The following RAI1 variants were observed in gnomAD, a reference collection of about 807,000 sequenced individuals.
RAI1 encodes the protein retinoic acid-induced protein 1.
RAI1 carries 9 observed loss-of-function variants against 123.8 expected under a neutral mutation model. That is an observed-to-expected ratio of 0.07 (90% CI 0.04 to 0.13). The LOEUF (loss-of-function observed/expected upper bound fraction) is 0.13. Among genes scored for constraint, RAI1 ranks in the 10% least tolerant of loss-of-function variants. The probability of loss-of-function intolerance (pLI) is 1.00; values close to 1 mark genes in which losing one functional copy is unlikely to be tolerated. For missense variants in RAI1, 2,256 were observed against 2,545.8 expected, an observed-to-expected ratio of 0.89 and a Z score of 2.45; for synonymous variants, 1,231 against 1,127.3, an observed-to-expected ratio of 1.09 and a Z score of -1.84.
chr17:17,727,455 AC>A (rs1378070841), intron 2 of RAI1, among the ~76,000 whole-genome samples: 1 of 152,172 alleles, frequency 6.6e-6, no homozygotes, highest in Non-Finnish European at 1.5e-5. Flanking sequence ...CCCCAAGCTT[AC>A]CCCTGGTGCC....
chr17:17,728,294 G>A (rs1008587904), intron 2 of RAI1, among the ~76,000 whole-genome samples: 4 of 151,912 alleles, frequency 2.6e-5, no homozygotes, highest in African/African-American at 9.7e-5. Context: ...GAAGGCCTTC[G>A]ACAGGGAGGG....
chr17:17,703,545 CAG>C (rs1215161094), intron 1 of RAI1, among the ~76,000 whole-genome samples: 1 of 152,082 alleles, frequency 6.6e-6, no homozygotes, highest in Non-Finnish European at 1.5e-5. Context: ...CTCTGGGGCT[CAG>C]GGGGAGGGGG....
intron 1 of RAI1, among the ~76,000 whole-genome samples, chr17:17,689,936 GCCC>G (rs1328769341): frequency 6.6e-6 from 1 of 152,114 alleles, no homozygotes; most frequent in African/African-American, 2.4e-5. Flanking sequence ...GGGTGCCAAA[GCCC>G]CCCAACTCCT....
chr17:17,803,915 T>C (rs1284376014), intron 4 of RAI1, 66 bp downstream of exon 4: 2 of 1,465,786 alleles, frequency 1.4e-6, no homozygotes, highest in African/African-American at 2.8e-5. Context: ...GGACCCTCCC[T>C]GGGCACAGCT....
At chr17:17,788,069 A>G (rs1393327489) in intron 2 of RAI1, among the ~76,000 whole-genome samples, 1 of 152,122 alleles carries the variant, frequency 6.6e-6, no homozygotes, top group Non-Finnish European at 1.5e-5. Context: ...GCATCCTGAT[A>G]TTTGGGACCC....
chr17:17,784,142 GC>G (rs2031733129), intron 2 of RAI1, among the ~76,000 whole-genome samples: 1 of 152,140 alleles, frequency 6.6e-6, no homozygotes, highest in African/African-American at 2.4e-5. Context: ...GATTTGACAC[GC>G]CGTGGCGGCC....
At chr17:17,719,130 C>T (rs760524322) in intron 1 of RAI1, among the ~76,000 whole-genome samples, 5 of 152,194 alleles carry the variant, frequency 3.3e-5, no homozygotes, top group Non-Finnish European at 7.3e-5. Context: ...GGCTTCTGTG[C>T]TCCTGCCCTG....
At position 17,780,441 on chromosome 17, in the gene RAI1, C is replaced by T. The variant is rs150838688; in HGVS notation, c.-16-12492C>T. On this transcript the variant is annotated intron_variant, in intron 2 of 5. Transcript: ENST00000353383. ...GGAACCAGGACCTCCTCGCCCATGT[C>T]TTTCACCCCTGGGTGCCTGTATCCT... is the stretch of plus-strand genomic sequence containing the variant. 1.4e-3 allele frequency among the ~76,000 whole-genome samples: 214 copies of T among 152,260 alleles called. 1 individual carries two copies. The highest frequency in any genetic ancestry group is 5.0e-3 in the African/African-American group (206 of 41,548).
At position 17,681,647 on chromosome 17, in the gene RAI1, A is replaced by G; in HGVS notation, c.-295A>G. The G allele has an allele frequency of 4.7e-6, 1 of 212,446 alleles. No homozygotes were observed. The highest frequency in any genetic ancestry group is 9.1e-6 in the Non-Finnish European group (1 of 110,258). The allele number at this position is 212,446 out of a possible 1,614,324, so 13.2% of individuals were successfully genotyped here. ...TGCCCGCGGCCCTAGCGCCGGCGCG[A>G]GGAGGGGGCGCCGCGGCCCACCCTC... On this transcript the variant is annotated 5_prime_UTR_variant, in exon 1 of 6. Transcript: ENST00000353383.
chr17:17,783,250 G>A (rs1356874691), intron 2 of RAI1, among the ~76,000 whole-genome samples: 2 of 152,092 alleles, frequency 1.3e-5, no homozygotes, highest in African/African-American at 4.8e-5. Context: ...TGGGCGCGGG[G>A]ACGGGGGGGC....
intron 2 of RAI1, among the ~76,000 whole-genome samples, chr17:17,761,887 G>A (rs981219516): frequency 6.6e-6 from 1 of 152,148 alleles, no homozygotes; most frequent in African/African-American, 2.4e-5. Context: ...GCAGGTGGGG[G>A]GATGGAAAGG....
At chr17:17,729,955 A>G (rs1200684497) in intron 2 of RAI1, among the ~76,000 whole-genome samples, 5 of 152,170 alleles carry the variant, frequency 3.3e-5, no homozygotes, top group Admixed American at 1.3e-4. Context: ...AGATTTGCTG[A>G]ACCTGGTCCC....
Position 17,796,845 on chromosome 17 carries a change from T to C in RAI1, c.3897T>C (p.Asp1299=). Residue 1299 remains aspartate (D), a synonymous_variant, in exon 3 of 6, where the codon GAT becomes GAC. Transcript: ENST00000353383. The surrounding 1 kb of genome is among the most constrained non-coding windows in gnomAD (Gnocchi z 5.8). The part of the protein sequence containing the change: ...ATKLPPPETP[D]ACLKLASRAA... ...AGCTCCCACCCCCGGAGACCCCCGATGCCTGCCTCAAGCTCGCCTCTCGGG... is the reference window on the plus strand; with the variant it reads ...AGCTCCCACCCCCGGAGACCCCCGACGCCTGCCTCAAGCTCGCCTCTCGGG... The C allele has an allele frequency of 1.2e-6, 2 of 1,612,366 alleles. No individual in the cohort carries two copies. The highest frequency in any genetic ancestry group is 1.1e-5 in the South Asian group (1 of 91,052).
intron 1 of RAI1, among the ~76,000 whole-genome samples, chr17:17,709,744 C>G (rs1915508125): frequency 6.6e-6 from 1 of 152,212 alleles, no homozygotes; most frequent in Non-Finnish European, 1.5e-5. Flanking sequence ...GTGCCGGGGC[C>G]TGGAGCTTTC....
intron 1 of RAI1, among the ~76,000 whole-genome samples, chr17:17,711,685 A>C (rs538430739): frequency 6.6e-6 from 1 of 152,330 alleles, no homozygotes; most frequent in African/African-American, 2.4e-5. Context: ...GGGCTCCCAG[A>C]AAGTGTAGGG....
At chr17:17,745,803 G>T (rs2029891105) in intron 2 of RAI1, among the ~76,000 whole-genome samples, 1 of 152,174 alleles carries the variant, frequency 6.6e-6, no homozygotes, top group African/African-American at 2.4e-5. Context: ...TACCCGGGGG[G>T]CTTGTGTGGA....
chr17:17,791,897 G>A (rs2032024403), intron 2 of RAI1, among the ~76,000 whole-genome samples: 1 of 152,150 alleles, frequency 6.6e-6, no homozygotes, highest in Non-Finnish European at 1.5e-5. Context: ...TGCTCTGCAG[G>A]CAGGGGCAGG....
rs2029884787 is a variant in RAI1 at position 17,745,519 on chromosome 17, T to A, written c.-17+21360T>A. ...ATCTCGGCTCACCGCAACCTCAGCC[T>A]CCTGAGTAGCTGGGATTACAGGCAC... On this transcript the variant is annotated intron_variant, in intron 2 of 5. Coordinates refer to ENST00000353383, the MANE Select transcript of RAI1 (RefSeq NM_030665.4). Among the ~76,000 whole-genome samples, 4 of 152,052 alleles carry A rather than the reference T, an allele frequency of 2.6e-5. No individual in the cohort carries two copies. In the South Asian group the frequency reaches 8.3e-4, roughly 32 times the overall value.
chr17:17,768,812 G>C (rs1451020277), intron 2 of RAI1, among the ~76,000 whole-genome samples: 1 of 152,366 alleles, frequency 6.6e-6, no homozygotes, highest in Non-Finnish European at 1.5e-5. Flanking sequence ...GCTGCGGCTG[G>C]TGTTAGCACT....
Sources: gnomAD v4.1 joint callset for allele counts (sites outside exome capture counted in the v4.1 genomes callset) on GRCh38, gnomAD v4.1.1 for gene constraint, Gnocchi (gnomAD v3.1) non-coding constraint, MANE v1.5 for transcripts, NCBI Gene and HGNC (gene_info 2026-07-23, HGNC 2026-07-21) for gene names.